The following LIX1L variants were observed in gnomAD, a reference collection of about 807,000 sequenced individuals.
LIX1L encodes limb and CNS expressed 1 like.
LIX1L carries 20 observed loss-of-function variants against 34.0 expected under a neutral mutation model. That is an observed-to-expected ratio of 0.59 (90% CI 0.41 to 0.85). The LOEUF (loss-of-function observed/expected upper bound fraction) is 0.85. LIX1L is among the 40% of genes least tolerant of loss of function. LIX1L has a pLI of 0.00. For missense variants in LIX1L, 397 were observed against 447.0 expected (o/e 0.89, Z 1.01); for synonymous variants, 170 against 187.4 (o/e 0.91, Z 0.76).
intron 3 of LIX1L, chr1:145,939,977 A>AT (rs1553758396): frequency 1.3e-5 from 2 of 150,388 alleles, no homozygotes; most frequent in African/African-American, 4.9e-5. Context: ...TTAGTTATTT[A>AT]TTTTTTGAGA....
chr1:145,942,861 G>A lies in LIX1L; in HGVS notation c.457-8C>T. Reference sequence around the variant, plus strand: ...AGCTTTTGTGGGGCAAAACTAGGCAGGGGAGAAAGAGTGAGAATATGTGTA... The same window carrying A: ...AGCTTTTGTGGGGCAAAACTAGGCAAGGGAGAAAGAGTGAGAATATGTGTA... On this transcript the variant is annotated splice_polypyrimidine_tract_variant and splice_region_variant and intron_variant, in intron 2 of 5. Coordinates refer to ENST00000604000, the MANE Select transcript of LIX1L (RefSeq NM_153713.3). The A allele has an allele frequency of 1.2e-6, 2 of 1,613,836 alleles. No homozygotes were observed. Among genetic ancestry groups the A allele is most frequent in the Non-Finnish European group, 1.7e-6 (2 of 1,179,738 alleles).
intron 3 of LIX1L, chr1:145,941,780 C>T (rs1274035040): frequency 6.6e-6 from 1 of 152,122 alleles, no homozygotes; most frequent in Non-Finnish European, 1.5e-5. Context: ...AATAATAGTA[C>T]TTACACCTCA....
chr1:145,941,410 G>A (rs1055535568), intron 3 of LIX1L, among the ~76,000 whole-genome samples: 3 of 151,664 alleles, frequency 2.0e-5, no homozygotes, highest in African/African-American at 7.3e-5. Context: ...CCACCACTGC[G>A]CCCAGCTAAC....
intron 5 of LIX1L, 66 bp from the exon 6 acceptor site, chr1:145,936,618 C>A: frequency 6.3e-7 from 1 of 1,575,414 alleles, no homozygotes; most frequent in Non-Finnish European, 8.7e-7. Flanking sequence ...CACACTGACC[C>A]AACTGGGACT....
rs1553757738 is a variant in LIX1L, at chr1:145,936,148, A to G, written c.*162T>C. 1.4e-5 allele frequency: 11 copies of G among 788,214 alleles called. No homozygotes were observed. Among genetic ancestry groups the G allele is most frequent in the Non-Finnish European group, 1.9e-5 (10 of 520,896 alleles). 48.8% of individuals were successfully genotyped at this position (788,214 alleles called of 1,614,324 possible). A position where few individuals can be genotyped will look rare whatever the true frequency, so the allele number is the denominator to read the frequency against. ...ACATCCAAAAACTGGTAGTAAGAAAAGGGATCTCTTAGCAAATAGGAATCT... is the reference window on the plus strand; with the variant it reads ...ACATCCAAAAACTGGTAGTAAGAAAGGGGATCTCTTAGCAAATAGGAATCT... On this transcript the variant is annotated 3_prime_UTR_variant, in exon 6 of 6. Coordinates refer to ENST00000604000, the MANE Select transcript of LIX1L (RefSeq NM_153713.3).
At chr1:145,949,033 T>A (rs1649199080) in intron 1 of LIX1L, 1 of 152,212 alleles carries the variant, frequency 6.6e-6, no homozygotes, top group Non-Finnish European at 1.5e-5. Flanking sequence ...CTATGAATAA[T>A]AAATTCCTTT....
chr1:145,940,546 C>A (rs1469242198), intron 3 of LIX1L, among the ~76,000 whole-genome samples: 1 of 135,096 alleles, frequency 7.4e-6, no homozygotes, highest in African/African-American at 2.9e-5. Flanking sequence ...TTTTCCTTTT[C>A]TTTCTTTTTT....
chr1:145,952,688 G>A (rs782764974), intron 1 of LIX1L, among the ~76,000 whole-genome samples: 2 of 151,570 alleles, frequency 1.3e-5, no homozygotes, highest in African/African-American at 2.4e-5. Flanking sequence ...CTTGGCTCAC[G>A]GCAACCTCCA....
rs1553757911 is a variant in LIX1L, at chr1:145,937,001, A to G, written c.694-16T>C. On this transcript the variant is annotated splice_polypyrimidine_tract_variant and intron_variant, in intron 4 of 5. Transcript: ENST00000604000. ...TCATTAGCTCCTGGGGGAAGAGGATAGGAAGTACCAGGACAGTGATTTTTA... is the reference window on the plus strand; with the variant it reads ...TCATTAGCTCCTGGGGGAAGAGGATGGGAAGTACCAGGACAGTGATTTTTA... 1 of 1,549,114 alleles carries G rather than the reference A, an allele frequency of 6.5e-7. No individual in the cohort carries two copies. Among genetic ancestry groups the G allele is most frequent in the Non-Finnish European group, 8.9e-7 (1 of 1,120,644 alleles).
intron 1 of LIX1L, 111 bp from the exon 2 acceptor site, chr1:145,947,893 G>C: frequency 2.3e-6 from 2 of 856,594 alleles, no homozygotes; most frequent in East Asian, 4.9e-5. Flanking sequence ...CTGCCCCTTA[G>C]CTCCCTACCT....
At chr1:145,947,479 G>C in intron 2 of LIX1L, 140 bp downstream of exon 2, 1 of 887,544 alleles carries the variant, frequency 1.1e-6, no homozygotes, top group Non-Finnish European at 1.7e-6. Flanking sequence ...GGCCTCAGAT[G>C]CTTGCCAGAA....
At chr1:145,937,823 TTAAAG>T in intron 3 of LIX1L, 124 bp from the exon 4 acceptor site, 2 of 658,166 alleles carry the variant, frequency 3.0e-6, no homozygotes. Context: ...CTCTGCCACA[TTAAAG>T]TAAAAATAAA....
At chr1:145,953,611 C>T (rs1338275464) in intron 1 of LIX1L, among the ~76,000 whole-genome samples, 2 of 152,176 alleles carry the variant, frequency 1.3e-5, no homozygotes, top group Non-Finnish European at 2.9e-5. Context: ...AATAATGCCA[C>T]CTGCCAAAAT....
rs1480026734 is a variant in LIX1L, at chr1:145,939,670, A to G, written c.598-1971T>C. On this transcript the variant is annotated intron_variant, in intron 3 of 5. Coordinates refer to ENST00000604000, the MANE Select transcript of LIX1L (RefSeq NM_153713.3). The stretch of plus-strand genomic sequence containing the variant: ...TTTTTTTTTTTTGAGACAGGGTCTC[A>G]CTTTGTCACTGAGTCTGGAGTGCAG... Among the ~76,000 whole-genome samples the G allele has an allele frequency of 7.0e-4, 88 of 126,112 alleles. No homozygotes were observed. In the Middle Eastern group the frequency reaches 0.014, roughly 20 times the overall value. 82.7% of individuals were successfully genotyped at this position (126,112 alleles called of 152,430 possible). A position where few individuals can be genotyped will look rare whatever the true frequency, so the allele number is the denominator to read the frequency against.
rs781915872 is a variant in LIX1L, at chr1:145,957,658, C to G, written c.270G>C (p.Lys90Asn). 1 of 1,542,142 alleles carries G rather than the reference C, an allele frequency of 6.5e-7. No homozygotes were observed. Among genetic ancestry groups the G allele is most frequent in the Non-Finnish European group, 8.7e-7 (1 of 1,149,872 alleles). The change falls in exon 1 of 6, where the codon AAG (lysine) becomes AAC (asparagine). Residue 90 changes from lysine to asparagine, a missense_variant. Around this residue, in one of 3 missense-constraint regions of LIX1L, gnomAD observed 207 missense variants for 205.2 expected, o/e 1.01. Transcript: ENST00000604000. ...CACCTCGGCCATAGCCCTGCGTGTGCTTGGCGAAGCTCCTCACCACGGCCT... is the reference window on the plus strand; with the variant it reads ...CACCTCGGCCATAGCCCTGCGTGTGGTTGGCGAAGCTCCTCACCACGGCCT... ...AVEAVVRSFA[K>N]HTQGYGRVNV...
Position 145,936,157 on chromosome 1 carries a change from T to G in LIX1L, c.*153A>C, listed in dbSNP as rs1011118626. ...AACTGGTAGTAAGAAAAGGGATCTC[T>G]TAGCAAATAGGAATCTAGGTGTAGA... On this transcript the variant is annotated 3_prime_UTR_variant, in exon 6 of 6. Transcript: ENST00000604000. The G allele has an allele frequency of 6.8e-6, 6 of 883,970 alleles. No individual in the cohort carries two copies. Among genetic ancestry groups the G allele is most frequent in the Non-Finnish European group, 9.9e-6 (6 of 606,626 alleles). 54.8% of individuals were successfully genotyped at this position (883,970 alleles called of 1,614,324 possible).
At chr1:145,949,775 T>C (rs1340696160) in intron 1 of LIX1L, among the ~76,000 whole-genome samples, 11 of 151,728 alleles carry the variant, frequency 7.2e-5, no homozygotes, top group Admixed American at 3.9e-4. Context: ...TAATAAATTA[T>C]CCCAGGTGCT....
At chr1:145,942,390 G>A in intron 3 of LIX1L, 1 of 191,018 alleles carries the variant, frequency 5.2e-6, no homozygotes, top group Non-Finnish European at 1.1e-5. Flanking sequence ...ACCCAAATTA[G>A]CAAAAGCAAA....
At chr1:145,954,977 C>T (rs996027507) in intron 1 of LIX1L, among the ~76,000 whole-genome samples, 1 of 152,202 alleles carries the variant, frequency 6.6e-6, no homozygotes. Context: ...TTGTATTGGG[C>T]TGGCCTGCTT....
Sources: gnomAD v4.1 joint callset for allele counts (sites outside exome capture counted in the v4.1 genomes callset) on GRCh38, gnomAD v4.1.1 for gene constraint, gnomAD v4.1.1 regional missense constraint, MANE v1.5 for transcripts, NCBI Gene and HGNC (gene_info 2026-07-23, HGNC 2026-07-21) for gene names.